SPATA17: variants seen among roughly 807,000 people sequenced by gnomAD.
SPATA17 encodes the protein spermatogenesis associated 17, also known as spermatogenesis-associated protein 17.
A neutral mutation model predicts 62.2 loss-of-function variants in SPATA17; 53 were observed. The ratio of observed to expected loss-of-function variants is 0.85; its 90% CI spans 0.68 to 1.07. SPATA17 has a LOEUF of 1.07. Among genes scored for constraint, SPATA17 ranks in the 50% least tolerant of loss-of-function variants. The probability of loss-of-function intolerance (pLI) is 0.00; values close to 1 mark genes in which losing one functional copy is unlikely to be tolerated. For missense variants in SPATA17, 466 were observed against 425.5 expected, an observed-to-expected ratio of 1.10 and a Z score of -0.84; for synonymous variants, 146 against 146.8, an observed-to-expected ratio of 0.99 and a Z score of 0.04.
intron 8 of SPATA17, 144 bp from the exon 9 acceptor site, chr1:217,801,574 C>A: frequency 1.8e-6 from 1 of 545,590 alleles, no homozygotes; most frequent in Non-Finnish European, 3.1e-6. Flanking sequence ...TAATCAGTGG[C>A]AGAGGTTGAA....
At chr1:217,718,310 A>G (rs543346241) in intron 5 of SPATA17, among the ~76,000 whole-genome samples, 3 of 148,324 alleles carry the variant, frequency 2.0e-5, no homozygotes, top group Non-Finnish European at 3.0e-5. Flanking sequence ...GAGCAGGAGG[A>G]AAAAAAAAAA....
intron 9 of SPATA17, among the ~76,000 whole-genome samples, chr1:217,806,589 G>A (rs1223361604): frequency 6.6e-6 from 1 of 152,122 alleles, no homozygotes. Flanking sequence ...CATCTTAGCT[G>A]GTATAATCTC....
At chr1:217,787,397 T>G (rs1673896436) in intron 8 of SPATA17, among the ~76,000 whole-genome samples, 1 of 152,148 alleles carries the variant, frequency 6.6e-6, no homozygotes, top group Non-Finnish European at 1.5e-5. Flanking sequence ...TGATCCAAGC[T>G]TATTTCTCTA....
At chr1:217,732,887 T>A (rs1222070008) in intron 5 of SPATA17, among the ~76,000 whole-genome samples, 1 of 152,184 alleles carries the variant, frequency 6.6e-6, no homozygotes, top group African/African-American at 2.4e-5. Context: ...AAAATTTTAC[T>A]TCCTTTTACA....
intron 1 of SPATA17, among the ~76,000 whole-genome samples, chr1:217,646,763 C>T (rs1230588324): frequency 2.0e-5 from 3 of 152,168 alleles, no homozygotes; most frequent in East Asian, 3.9e-4. Context: ...GGCATGGTGG[C>T]GTGCACCTGT....
chr1:217,785,943 G>T (rs1285701119), intron 8 of SPATA17, among the ~76,000 whole-genome samples: 2 of 152,042 alleles, frequency 1.3e-5, no homozygotes, highest in Non-Finnish European at 2.9e-5. Context: ...ATTTTCTCAT[G>T]CCATCTCAAA....
chr1:217,709,174 C>T (rs746024106), intron 5 of SPATA17, among the ~76,000 whole-genome samples: 1 of 152,054 alleles, frequency 6.6e-6, no homozygotes, highest in Non-Finnish European at 1.5e-5. Context: ...CAGTGAAAAT[C>T]ACTGGGATCA....
chr1:217,638,701 T>C (rs1291970428), intron 1 of SPATA17, among the ~76,000 whole-genome samples: 1 of 152,130 alleles, frequency 6.6e-6, no homozygotes, highest in Non-Finnish European at 1.5e-5. Context: ...ATGGCTACTA[T>C]GGAGTTAGAA....
intron 6 of SPATA17, among the ~76,000 whole-genome samples, chr1:217,752,420 G>A (rs1200332638): frequency 6.6e-6 from 1 of 152,126 alleles, no homozygotes; most frequent in African/African-American, 2.4e-5. Context: ...TAAAAATATA[G>A]CATAGTGCTT....
chr1:217,821,578 A>T (rs1674863496), intron 9 of SPATA17, among the ~76,000 whole-genome samples: 1 of 152,076 alleles, frequency 6.6e-6, no homozygotes, highest in South Asian at 2.1e-4. Context: ...CGATTAGGTA[A>T]ATTTTAAAGG....
chr1:217,729,509 C>A (rs182253451), intron 5 of SPATA17, among the ~76,000 whole-genome samples: 1 of 151,942 alleles, frequency 6.6e-6, no homozygotes, highest in African/African-American at 2.4e-5. Context: ...AAAGTCTATC[C>A]CAAAGAGTTA....
intron 6 of SPATA17, among the ~76,000 whole-genome samples, chr1:217,773,860 GAAT>G (rs1317595351): frequency 6.6e-6 from 1 of 151,826 alleles, no homozygotes; most frequent in Non-Finnish European, 1.5e-5. Context: ...TTTACGTAAT[GAAT>G]AATAATTAAA....
rs532699234 is a variant in SPATA17 at position 217,647,613 on chromosome 1, C to T, written c.69-1269C>T. Among the ~76,000 whole-genome samples, 105 of 152,276 alleles carry T rather than the reference C, an allele frequency of 6.9e-4. 1 individual carries two copies. The South Asian group carries it at 0.021, about 31-fold the overall frequency. Reference sequence around the variant, plus strand: ...TAACATGGAAAGGCCTAATTGTAGTCTGGGAAGTCAGGGAAAGTTCTCTGG... The same window carrying T: ...TAACATGGAAAGGCCTAATTGTAGTTTGGGAAGTCAGGGAAAGTTCTCTGG... On this transcript the variant is annotated intron_variant, in intron 1 of 10. Transcript: ENST00000366933.
intron 3 of SPATA17, among the ~76,000 whole-genome samples, chr1:217,662,411 T>C (rs1272990727): frequency 1.3e-5 from 2 of 152,282 alleles, no homozygotes; most frequent in East Asian, 3.9e-4. Context: ...TTTGTTGAAA[T>C]GTATTAATAG....
At position 217,725,772 on chromosome 1, in the gene SPATA17, G is replaced by T. The variant is rs116127107; in HGVS notation, c.396-16203G>T. Among the ~76,000 whole-genome samples, 1,471 of 152,052 alleles carry T rather than the reference G, an allele frequency of 9.7e-3. 17 individuals are homozygous for T. The highest frequency in any genetic ancestry group is 0.028 in the African/African-American group (1,146 of 41,488). ...GCCACTACGCCCAGCCCCAGATTAT[G>T]TTTTTAAATAGTTTAAATTAAACTT... On this transcript the variant is annotated intron_variant, in intron 5 of 10. Coordinates refer to ENST00000366933, the MANE Select transcript of SPATA17 (RefSeq NM_138796.4).
At chr1:217,746,678 C>A (rs1268246027) in intron 6 of SPATA17, among the ~76,000 whole-genome samples, 1 of 151,696 alleles carries the variant, frequency 6.6e-6, no homozygotes, top group East Asian at 1.9e-4. Flanking sequence ...CAATGTATAC[C>A]TTAAAATAGT....
intron 3 of SPATA17, among the ~76,000 whole-genome samples, chr1:217,663,545 G>A: frequency 6.6e-6 from 1 of 151,804 alleles, no homozygotes; most frequent in Non-Finnish European, 1.5e-5. Context: ...TACTTGATTA[G>A]AAATTAATTT....
At chr1:217,635,833 C>T (rs1468878814) in intron 1 of SPATA17, among the ~76,000 whole-genome samples, 1 of 151,860 alleles carries the variant, frequency 6.6e-6, no homozygotes, top group African/African-American at 2.4e-5. Flanking sequence ...AAGTTGCAAG[C>T]CTTAAAAAGA....
At chr1:217,781,223 T>C (rs2102976170) in intron 7 of SPATA17, 2 of 152,328 alleles carry the variant, frequency 1.3e-5, no homozygotes, top group South Asian at 4.1e-4. Context: ...TTCTTTTTAT[T>C]AGCCCCACAG....
Sources: gnomAD v4.1 joint callset for allele counts (sites outside exome capture counted in the v4.1 genomes callset) on GRCh38, gnomAD v4.1.1 for gene constraint, MANE v1.5 for transcripts, NCBI Gene and HGNC (gene_info 2026-07-23, HGNC 2026-07-21) for gene names.